The following SKA2 variants were observed in gnomAD, a reference collection of about 807,000 sequenced individuals.
SKA2 encodes the protein spindle and kinetochore-associated protein 2.
In SKA2, 13 loss-of-function variants were observed where a neutral mutation model predicts 16.9. The observed-to-expected ratio is 0.77, with a 90% CI of 0.50 to 1.22. The LOEUF is 1.22. SKA2 is among the 50% of genes most tolerant of loss of function. The probability of loss-of-function intolerance (pLI) is 0.00; values close to 1 mark genes in which losing one functional copy is unlikely to be tolerated. For missense variants in SKA2, 107 were observed against 139.7 expected (o/e 0.77, Z 1.18); for synonymous variants, 47 against 48.5 (o/e 0.97, Z 0.13).
intron 3 of SKA2, 116 bp from the exon 4 acceptor site, chr17:59,112,461 TA>T: frequency 1.4e-6 from 1 of 698,778 alleles, no homozygotes; most frequent in East Asian, 2.8e-5. Flanking sequence ...ACTATGTATG[TA>T]ATCACAGATT....
chr17:59,122,612 A>G (rs575003101), intron 2 of SKA2, among the ~76,000 whole-genome samples: 9 of 152,138 alleles, frequency 5.9e-5, no homozygotes, highest in Non-Finnish European at 1.0e-4. Flanking sequence ...CTCCATCTCA[A>G]AAAATAATAA....
chr17:59,150,995 G>T, intron 1 of SKA2: 2 of 310,714 alleles, frequency 6.4e-6, no homozygotes, highest in Non-Finnish European at 1.3e-5. Flanking sequence ...TAGTTAAAAG[G>T]TTTTTTTTTT....
chr17:59,118,334 A>T (rs900518815), intron 3 of SKA2: 5 of 152,238 alleles, frequency 3.3e-5, no homozygotes, highest in African/African-American at 1.2e-4. Flanking sequence ...TCTCAAAAAT[A>T]TACCATCAAT....
intron 2 of SKA2, among the ~76,000 whole-genome samples, chr17:59,125,633 G>A (rs1466228720): frequency 3.4e-5 from 5 of 148,670 alleles, no homozygotes; most frequent in Non-Finnish European, 5.9e-5. Flanking sequence ...CCAGTGAGCC[G>A]AGATCATGCC....
chr17:59,138,992 A>G (rs1200269152), intron 1 of SKA2, among the ~76,000 whole-genome samples: 1 of 152,194 alleles, frequency 6.6e-6, no homozygotes, highest in Non-Finnish European at 1.5e-5. Flanking sequence ...TTATCTCAAC[A>G]GCATTAAATT....
intron 3 of SKA2, among the ~76,000 whole-genome samples, chr17:59,117,081 C>A (rs1224536146): frequency 6.6e-6 from 1 of 152,018 alleles, no homozygotes; most frequent in Non-Finnish European, 1.5e-5. Flanking sequence ...TCCCAAAGTG[C>A]TGGGATTACA....
chr17:59,151,123 T>G (rs2046574258), intron 1 of SKA2: 1 of 497,934 alleles, frequency 2.0e-6, no homozygotes, highest in Non-Finnish European at 4.2e-6. Flanking sequence ...AGAATCAAAA[T>G]TCTGGCGTGC....
chr17:59,137,390 T>C (rs111453937), intron 1 of SKA2, among the ~76,000 whole-genome samples: 1 of 152,182 alleles, frequency 6.6e-6, no homozygotes, highest in Non-Finnish European at 1.5e-5. Flanking sequence ...GTTACAAAGC[T>C]AGTCAACTAA....
chr17:59,128,317 G>C (rs890066745), intron 2 of SKA2, among the ~76,000 whole-genome samples: 2 of 151,814 alleles, frequency 1.3e-5, no homozygotes, highest in African/African-American at 4.8e-5. Flanking sequence ...CTACAACATG[G>C]ATGAAACTTA....
intron 2 of SKA2, among the ~76,000 whole-genome samples, chr17:59,130,766 C>T (rs766766094): frequency 3.2e-4 from 49 of 152,104 alleles, no homozygotes; most frequent in Non-Finnish European, 6.3e-4. Context: ...CCCCCATGAA[C>T]ATGTATGTAT....
chr17:59,141,521 T>A (rs1349175890), intron 1 of SKA2, among the ~76,000 whole-genome samples: 1 of 150,716 alleles, frequency 6.6e-6, no homozygotes, highest in Non-Finnish European at 1.5e-5. Context: ...AGCCCAGGAG[T>A]TCAAGACCAG....
At chr17:59,130,079 G>A (rs1355048766) in intron 2 of SKA2, among the ~76,000 whole-genome samples, 1 of 151,772 alleles carries the variant, frequency 6.6e-6, no homozygotes, top group Non-Finnish European at 1.5e-5. Flanking sequence ...AGAAAAAAGA[G>A]AAAGGAAAGA....
At chr17:59,137,678 T>C (rs1463953473) in intron 1 of SKA2, 1 of 451,656 alleles carries the variant, frequency 2.2e-6, no homozygotes, top group Non-Finnish European at 4.3e-6. Flanking sequence ...CCTCAGATTT[T>C]AATGTTTATA....
rs145841613 is a variant in SKA2 at position 59,141,375 on chromosome 17, G to A, written c.34-10008C>T. Reference sequence around the variant, plus strand: ...TCGCACCACTGCATTGCAGCCTGGCGACAGAGCAAGACTCTGTCTCTAAAT... The same window carrying A: ...TCGCACCACTGCATTGCAGCCTGGCAACAGAGCAAGACTCTGTCTCTAAAT... On this transcript the variant is annotated intron_variant, in intron 1 of 3. Transcript: ENST00000330137. Among the ~76,000 whole-genome samples the A allele has an allele frequency of 4.1e-4, 63 of 151,958 alleles. 2 individuals carry two copies. The Middle Eastern group carries it at 0.02, about 49-fold the overall frequency.
intron 1 of SKA2, among the ~76,000 whole-genome samples, chr17:59,152,756 G>C (rs549950191): frequency 2.1e-4 from 32 of 151,334 alleles, no homozygotes; most frequent in African/African-American, 7.5e-4. Flanking sequence ...GAGATGCACT[G>C]TCTTTTATTA....
At chr17:59,132,320 C>G (rs968044913) in intron 1 of SKA2, among the ~76,000 whole-genome samples, 23 of 150,962 alleles carry the variant, frequency 1.5e-4, no homozygotes, top group African/African-American at 5.4e-4. Flanking sequence ...TGCACCATTG[C>G]ACTCCAGCCT....
intron 1 of SKA2, among the ~76,000 whole-genome samples, chr17:59,137,281 G>GT (rs2046453117): frequency 6.6e-6 from 1 of 152,172 alleles, no homozygotes; most frequent in Non-Finnish European, 1.5e-5. Flanking sequence ...GCCTCTCAAA[G>GT]TGCTGGAACT....
intron 1 of SKA2, among the ~76,000 whole-genome samples, chr17:59,154,104 A>T (rs1169388110): frequency 6.6e-6 from 1 of 151,908 alleles, no homozygotes; most frequent in Admixed American, 6.6e-5. Flanking sequence ...CAAACAAAAA[A>T]AGACAGGAGC....
chr17:59,146,729 A>G (rs2046535031), intron 1 of SKA2, among the ~76,000 whole-genome samples: 1 of 152,126 alleles, frequency 6.6e-6, no homozygotes, highest in African/African-American at 2.4e-5. Flanking sequence ...TGGCAGCACA[A>G]TCATAGCTCA....
Sources: allele counts gnomAD v4.1 joint callset (sites outside exome capture counted in the v4.1 genomes callset), GRCh38; gene constraint gnomAD v4.1.1; transcripts MANE v1.5; gene names NCBI Gene and HGNC (gene_info 2026-07-23, HGNC 2026-07-21).